The following MAN1A1 variants were observed in gnomAD, a reference collection of about 807,000 sequenced individuals.
MAN1A1 encodes the protein mannosidase alpha class 1A member 1.
MAN1A1 carries 29 observed loss-of-function variants against 70.8 expected under a neutral mutation model. The ratio of observed to expected loss-of-function variants is 0.41; its 90% CI spans 0.31 to 0.56. The LOEUF is 0.56. Ranked by LOEUF, MAN1A1 falls within the 20% of genes least tolerant of loss-of-function variation. MAN1A1 has a pLI of 0.29. For synonymous variants in MAN1A1, 349 were observed against 330.1 expected, an observed-to-expected ratio of 1.06 and a Z score of -0.62; for missense variants, 747 against 841.3, an observed-to-expected ratio of 0.89 and a Z score of 1.39.
intron 10 of MAN1A1, among the ~76,000 whole-genome samples, chr6:119,189,039 T>G (rs1025802421): frequency 6.6e-6 from 1 of 152,188 alleles, no homozygotes; most frequent in South Asian, 2.1e-4. Flanking sequence ...AAACGAGTTA[T>G]AAACATCATG....
intron 5 of MAN1A1, among the ~76,000 whole-genome samples, chr6:119,274,950 A>G (rs1328535138): frequency 1.3e-5 from 2 of 152,230 alleles, no homozygotes; most frequent in Non-Finnish European, 2.9e-5. Flanking sequence ...GTTTTGAGAA[A>G]GACTTAAGTG....
chr6:119,267,356 ATGTTG>A (rs1775786511), intron 5 of MAN1A1, among the ~76,000 whole-genome samples: 2 of 152,188 alleles, frequency 1.3e-5, no homozygotes, highest in African/African-American at 4.8e-5. Context: ...TGCTTGTTTT[ATGTTG>A]AAATATAATC....
intron 2 of MAN1A1, among the ~76,000 whole-genome samples, chr6:119,323,801 G>A (rs1046604804): frequency 6.6e-6 from 1 of 152,200 alleles, no homozygotes; most frequent in Admixed American, 6.5e-5. Context: ...ATTGATAGGA[G>A]AGGTGGTGGA....
intron 4 of MAN1A1, among the ~76,000 whole-genome samples, chr6:119,299,021 CT>C (rs150612067): frequency 2.2e-4 from 32 of 147,084 alleles, no homozygotes; most frequent in Middle Eastern, 7.4e-3. Context: ...TATAATTTTT[CT>C]TTTTTTTTTG....
intron 2 of MAN1A1, among the ~76,000 whole-genome samples, chr6:119,309,009 T>C (rs191347352): frequency 3.0e-4 from 46 of 152,358 alleles, no homozygotes; most frequent in African/African-American, 1.1e-3. Context: ...ACTAATTGGT[T>C]AGTTTCCTAC....
At chr6:119,284,051 A>T (rs888164624) in intron 5 of MAN1A1, among the ~76,000 whole-genome samples, 4 of 152,160 alleles carry the variant, frequency 2.6e-5, no homozygotes, top group African/African-American at 9.7e-5. Context: ...TACAGGTCTC[A>T]TCAAGTTTTC....
intron 2 of MAN1A1, among the ~76,000 whole-genome samples, chr6:119,344,706 T>C (rs1773681834): frequency 6.6e-6 from 1 of 152,266 alleles, no homozygotes; most frequent in South Asian, 2.1e-4. Flanking sequence ...CCAAGGCAGA[T>C]TATTCTCACA....
intron 11 of MAN1A1, among the ~76,000 whole-genome samples, chr6:119,184,728 C>CA (rs148243405): frequency 0.014 from 2,162 of 150,460 alleles, 63 homozygotes; most frequent in African/African-American, 0.049. Context: ...CCCCTAAAGC[C>CA]AAAAAAAAAT....
chr6:119,256,289 T>C (rs1775456155), intron 5 of MAN1A1, among the ~76,000 whole-genome samples: 1 of 152,210 alleles, frequency 6.6e-6, no homozygotes, highest in Non-Finnish European at 1.5e-5. Context: ...TAGATTTATC[T>C]AGCTTTTTAA....
chr6:119,217,458 T>G (rs1774239357), intron 6 of MAN1A1, among the ~76,000 whole-genome samples: 2 of 152,102 alleles, frequency 1.3e-5, no homozygotes, highest in Admixed American at 6.5e-5. Flanking sequence ...ATTTTTTGTA[T>G]TTTAGTGGAA....
Position 119,349,172 on chromosome 6 carries a change from G to C in MAN1A1, c.-107C>G. 8.1e-7 allele frequency: 1 copy of C among 1,229,184 alleles called. No individual in the cohort carries two copies. The highest frequency in any genetic ancestry group is 1.0e-6 in the Non-Finnish European group (1 of 987,098). 76.1% of individuals were successfully genotyped at this position (1,229,184 alleles called of 1,614,324 possible). ...TGGGTCCTGCGTAGCCAGGCCGCCC[G>C]ACCCCCTCGGCTGGGCTGCGGATCC... On this transcript the variant is annotated 5_prime_UTR_variant, in exon 2 of 13. Transcript: ENST00000368468.
At chr6:119,315,215 T>C (rs1022133610) in intron 2 of MAN1A1, among the ~76,000 whole-genome samples, 1 of 152,258 alleles carries the variant, frequency 6.6e-6, no homozygotes, top group African/African-American at 2.4e-5. Flanking sequence ...CAGCCAATTT[T>C]AATGTACTTC....
At chr6:119,280,641 G>A (rs1441719604) in intron 5 of MAN1A1, among the ~76,000 whole-genome samples, 6 of 152,032 alleles carry the variant, frequency 3.9e-5, no homozygotes, top group Admixed American at 3.9e-4. Context: ...TTCTAAAGGA[G>A]ATCACAATTT....
At chr6:119,238,537 A>ACTGATAAAG (rs911812084) in intron 6 of MAN1A1, among the ~76,000 whole-genome samples, 5 of 152,182 alleles carry the variant, frequency 3.3e-5, no homozygotes, top group African/African-American at 1.2e-4. Context: ...AAAACTGTTC[A>ACTGATAAAG]CCATTATAGT....
intron 5 of MAN1A1, among the ~76,000 whole-genome samples, chr6:119,282,725 G>C (rs1290942198): frequency 3.4e-4 from 51 of 151,714 alleles, no homozygotes; most frequent in Non-Finnish European, 1.5e-5. Context: ...AGAAATCAAA[G>C]GGCCAAACAT....
At chr6:119,316,748 A>G (rs554867485) in intron 2 of MAN1A1, among the ~76,000 whole-genome samples, 18 of 152,202 alleles carry the variant, frequency 1.2e-4, no homozygotes, top group Non-Finnish European at 1.9e-4. Context: ...AGATTTGTCA[A>G]CCTTATAAAG....
chr6:119,288,204 T>A (rs944545783), intron 5 of MAN1A1, among the ~76,000 whole-genome samples: 1 of 151,992 alleles, frequency 6.6e-6, no homozygotes, highest in African/African-American at 2.4e-5. Flanking sequence ...AATCTTGAGC[T>A]GATATCAATG....
chr6:119,258,784 G>C (rs922801597), intron 5 of MAN1A1, among the ~76,000 whole-genome samples: 29 of 152,126 alleles, frequency 1.9e-4, no homozygotes, highest in African/African-American at 6.7e-4. Context: ...TTATGATTCG[G>C]TGAAATGTAG....
At chr6:119,199,535 A>G (rs546090809) in intron 8 of MAN1A1, among the ~76,000 whole-genome samples, 17 of 152,286 alleles carry the variant, frequency 1.1e-4, no homozygotes, top group African/African-American at 4.1e-4. Context: ...ATTTATTAGA[A>G]TCACTAATTT....
Sources: gnomAD v4.1 joint callset for allele counts (sites outside exome capture counted in the v4.1 genomes callset) on GRCh38, gnomAD v4.1.1 for gene constraint, MANE v1.5 for transcripts, NCBI Gene and HGNC (gene_info 2026-07-23, HGNC 2026-07-21) for gene names.